BABAM1: variants seen among roughly 807,000 people sequenced by gnomAD.
BABAM1 encodes the protein BRISC and BRCA1 A complex member 1.
BABAM1 carries 14 observed loss-of-function variants against 34.4 expected under a neutral mutation model. The observed-to-expected ratio is 0.41, with a 90% CI of 0.27 to 0.64. The LOEUF is 0.64. Among genes scored for constraint, BABAM1 ranks in the 30% least tolerant of loss-of-function variants. The pLI is 0.34. For synonymous variants in BABAM1, 169 were observed against 165.8 expected (o/e 1.02, Z -0.15); for missense variants, 393 against 434.0 (o/e 0.91, Z 0.84).
intron 2 of BABAM1, among the ~76,000 whole-genome samples, chr19:17,270,114 G>A (rs2073822100): frequency 6.6e-6 from 1 of 152,012 alleles, no homozygotes; most frequent in South Asian, 2.1e-4. Flanking sequence ...GTATTTTTTA[G>A]TAGAGACAGG....
chr19:17,277,118 A>G, intron 8 of BABAM1: 1 of 551,274 alleles, frequency 1.8e-6, no homozygotes, highest in East Asian at 3.0e-5. Flanking sequence ...GGTCCAGGCA[A>G]CATGTTGAGT....
intron 5 of BABAM1, chr19:17,274,422 T>G (rs2073884081): frequency 3.6e-6 from 2 of 557,228 alleles, no homozygotes; most frequent in Non-Finnish European, 6.4e-6. Flanking sequence ...CCTGATTTGG[T>G]CCGGGCATGG....
At position 17,271,616 on chromosome 19, in the gene BABAM1, C is replaced by G; in HGVS notation, c.305C>G (p.Ser102Ter). 6.2e-7 allele frequency: 1 copy of G among 1,613,756 alleles called. No homozygotes were observed. Among genetic ancestry groups the G allele is most frequent in the Non-Finnish European group, 8.5e-7 (1 of 1,179,802 alleles). ...TTGCAGATTATCTGCCTGGACCTGT[C>G]AGAGGAAATGTCACTGCCAAAGCTG... ...PEKVIICLDL[S>*]EEMSLPKLES... Residue 102 changes from serine to a stop codon, truncating the protein, a stop_gained, in exon 3 of 9, where the codon TCA becomes TGA. Transcript: ENST00000598188. LOFTEE classifies it high-confidence loss of function.
At chr19:17,269,632 T>C (rs2073814780) in intron 2 of BABAM1, among the ~76,000 whole-genome samples, 1 of 152,174 alleles carries the variant, frequency 6.6e-6, no homozygotes. Flanking sequence ...ATTATAGGCA[T>C]GAGCCACTCT....
At chr19:17,271,736 A>C (rs2073843633) in intron 3 of BABAM1, 81 bp downstream of exon 3, 3 of 1,477,814 alleles carry the variant, frequency 2.0e-6, no homozygotes, top group Non-Finnish European at 2.8e-6. Flanking sequence ...TCTCACTCTG[A>C]AACTCACACC....
chr19:17,275,290 A>T (rs2073894723), intron 5 of BABAM1, among the ~76,000 whole-genome samples: 1 of 137,388 alleles, frequency 7.3e-6, no homozygotes. Context: ...GATCTTATTT[A>T]TTATTATATT....
chr19:17,274,795 A>C (rs2073889121), intron 5 of BABAM1, among the ~76,000 whole-genome samples: 2 of 152,148 alleles, frequency 1.3e-5, no homozygotes, highest in South Asian at 4.1e-4. Context: ...ACTGAAATAG[A>C]ATAGGACTCT....
chr19:17,267,710 C>T (rs983657436), intron 1 of BABAM1, among the ~76,000 whole-genome samples, 183 bp downstream of exon 1: 4 of 152,128 alleles, frequency 2.6e-5, no homozygotes, highest in Admixed American at 1.3e-4. Flanking sequence ...GACTGCAAGG[C>T]GCTCAAAGAC....
rs1181705724 is a variant in BABAM1, at chr19:17,274,043, C to G, written c.465+19C>G. 6.2e-7 allele frequency: 1 copy of G among 1,613,680 alleles called. No individual in the cohort carries two copies. Among genetic ancestry groups the G allele is most frequent in the African/African-American group, 1.3e-5 (1 of 74,914 alleles). On this transcript the variant is annotated intron_variant, in intron 4 of 8. Transcript: ENST00000598188. ...GGCCTGGGTGAGGCTGCGGCAGGCG[C>G]TGGGTGCCCTGGGGTCCCCTGGGGC...
Position 17,271,585 on chromosome 19 carries a change from A to G in BABAM1, c.286-12A>G, listed in dbSNP as rs777671511. 2 of 1,613,470 alleles carry G rather than the reference A, an allele frequency of 1.2e-6. No individual in the cohort carries two copies. Among genetic ancestry groups the G allele is most frequent in the Non-Finnish European group, 1.7e-6 (2 of 1,179,676 alleles). The stretch of plus-strand genomic sequence containing the variant: ...GTCAGAGGACGCTCACCACCCTCCA[A>G]CTACCTTGCAGATTATCTGCCTGGA... On this transcript the variant is annotated splice_polypyrimidine_tract_variant and intron_variant, in intron 2 of 8. Transcript: ENST00000598188.
rs1228180186 is a variant in BABAM1 at position 17,279,069 on chromosome 19, C to T, written c.*21C>T. On this transcript the variant is annotated 3_prime_UTR_variant, in exon 9 of 9. Transcript: ENST00000598188. ...TCTGAACCATCCCTGTACATCTGCA[C>T]CTTCTTGTGCAAGGAAGTCCTTGGC... The T allele has an allele frequency of 1.5e-5, 24 of 1,594,136 alleles. No individual in the cohort carries two copies. The highest frequency in any genetic ancestry group is 1.8e-5 in the Non-Finnish European group (21 of 1,167,656).
In BABAM1 at chr19:17,278,941, A is replaced by G; in HGVS notation, c.883A>G (p.Met295Val). 1 of 1,613,396 alleles carries G rather than the reference A, an allele frequency of 6.2e-7. No individual in the cohort carries two copies. Among genetic ancestry groups the G allele is most frequent in the Non-Finnish European group, 8.5e-7 (1 of 1,179,750 alleles). The change falls in exon 9 of 9, where the codon ATG becomes GTG. Residue 295 changes from methionine (M) to valine (V), a missense_variant. Physicochemically the swap from Met to Val is conservative, Grantham distance 21. Coordinates refer to ENST00000598188, the MANE Select transcript of BABAM1 (RefSeq NM_014173.4). ...GCCAGCCCTGGAGTTGCACAACTGC[A>G]TGGCGAAACTGTTGGCCCACCCCCT... is the stretch of plus-strand genomic sequence containing the variant. Reference protein sequence around the residue: ...AGPALELHNCMAKLLAHPLQR... With the variant: ...AGPALELHNCVAKLLAHPLQR...
intron 3 of BABAM1, among the ~76,000 whole-genome samples, chr19:17,271,884 G>A (rs2073845207): frequency 6.6e-6 from 1 of 152,020 alleles, no homozygotes; most frequent in Non-Finnish European, 1.5e-5. Context: ...ACTAGTCTGG[G>A]CAACATGGAC....
At position 17,277,835 on chromosome 19, in the gene BABAM1, AGCCACTGCACTCCAGCCT is replaced by A. The variant is rs1456746459; in HGVS notation, c.786+928_786+945del. 2.6e-5 allele frequency among the ~76,000 whole-genome samples: 4 copies of A among 151,912 alleles called. No homozygotes were observed. The South Asian group carries it at 6.2e-4, about 24-fold the overall frequency. On this transcript the variant is annotated intron_variant, in intron 8 of 8. Coordinates refer to ENST00000598188, the MANE Select transcript of BABAM1 (RefSeq NM_014173.4). ...TGGAGATTGTAGTGAGCTGTGATGA[AGCCACTGCACTCCAGCCT>A]GGGTGACAGGGCGGAGACCCTGTGT...
rs185774382 is a variant in BABAM1, at chr19:17,269,170, A to G, written c.285+79A>G. 1,040 of 1,429,832 alleles carry G rather than the reference A, an allele frequency of 7.3e-4. 6 individuals are homozygous for G. The African/African-American group carries it at 0.011, about 15-fold the overall frequency. 88.6% of individuals were successfully genotyped at this position (1,429,832 alleles called of 1,614,324 possible). A position where few individuals can be genotyped will look rare whatever the true frequency, so the allele number is the denominator to read the frequency against. On this transcript the variant is annotated intron_variant, in intron 2 of 8. Transcript: ENST00000598188. The stretch of plus-strand genomic sequence containing the variant: ...GTCTTTTGGGATTAACACTGCAAAC[A>G]TTCCCTTTGTATTCGTTACCTGTGG...
intron 8 of BABAM1, among the ~76,000 whole-genome samples, chr19:17,278,276 G>A (rs950125363): frequency 6.6e-6 from 1 of 151,952 alleles, no homozygotes; most frequent in African/African-American, 2.4e-5. Context: ...CCAGGAGAAT[G>A]TGTCTGTATC....
At chr19:17,278,261 G>T (rs1404772867) in intron 8 of BABAM1, among the ~76,000 whole-genome samples, 4 of 151,838 alleles carry the variant, frequency 2.6e-5, no homozygotes, top group African/African-American at 4.8e-5. Flanking sequence ...GGATCAAAGT[G>T]GGGGCCAGGA....
At chr19:17,270,408 G>A (rs1037415816) in intron 2 of BABAM1, among the ~76,000 whole-genome samples, 1 of 151,816 alleles carries the variant, frequency 6.6e-6, no homozygotes, top group Non-Finnish European at 1.5e-5. Context: ...CTGTGTCTCT[G>A]TGTCTTCTCC....
rs1599503141 is a variant in BABAM1 at position 17,278,826 on chromosome 19, A to T, written c.787-19A>T. 1.2e-6 allele frequency: 2 copies of T among 1,603,058 alleles called. No homozygotes were observed. The highest frequency in any genetic ancestry group is 8.5e-7 in the Non-Finnish European group (1 of 1,174,884). On this transcript the variant is annotated intron_variant, in intron 8 of 8. Coordinates refer to ENST00000598188, the MANE Select transcript of BABAM1 (RefSeq NM_014173.4). The stretch of plus-strand genomic sequence containing the variant: ...CCTCTGCCTGAACAGCCCTTCACTG[A>T]CCCCCGCCTCCCCGGCAGGATATGT...
Sources: gnomAD v4.1 joint callset for allele counts (sites outside exome capture counted in the v4.1 genomes callset) on GRCh38, gnomAD v4.1.1 for gene constraint, MANE v1.5 for transcripts, NCBI Gene and HGNC (gene_info 2026-07-23, HGNC 2026-07-21) for gene names.